The following PCNP variants were observed in gnomAD, a reference collection of about 807,000 sequenced individuals.
PCNP encodes PEST proteolytic signal containing nuclear protein.
In PCNP, 6 loss-of-function variants were observed where a neutral mutation model predicts 21.8. The ratio of observed to expected loss-of-function variants is 0.28; its 90% CI spans 0.15 to 0.54. PCNP has a LOEUF of 0.54. Ranked by LOEUF, PCNP falls within the 20% of genes least tolerant of loss-of-function variation. The probability of loss-of-function intolerance (pLI) is 0.95; values close to 1 mark genes in which losing one functional copy is unlikely to be tolerated. For synonymous variants in PCNP, 67 were observed against 73.2 expected (o/e 0.92, Z 0.43); for missense variants, 161 against 215.5 (o/e 0.75, Z 1.58).
intron 2 of PCNP, among the ~76,000 whole-genome samples, chr3:101,583,002 T>A (rs1559960200): frequency 6.6e-6 from 1 of 152,232 alleles, no homozygotes; most frequent in Non-Finnish European, 1.5e-5. Context: ...ATCACTATGG[T>A]ACCATATAGA....
At chr3:101,591,245 CCTGT>C (rs1429525447) in intron 4 of PCNP, among the ~76,000 whole-genome samples, 4 of 152,298 alleles carry the variant, frequency 2.6e-5, no homozygotes, top group Non-Finnish European at 4.4e-5. Context: ...TGTGCAGTTT[CCTGT>C]CTTTGTGTGC....
intron 3 of PCNP, 102 bp downstream of exon 3, chr3:101,585,613 T>TA: frequency 1.5e-6 from 1 of 657,964 alleles, no homozygotes; most frequent in Non-Finnish European, 2.6e-6. Flanking sequence ...ATTTTCTTTA[T>TA]AATAGTTTTT....
chr3:101,588,544 A>G (rs1935653909), intron 3 of PCNP, among the ~76,000 whole-genome samples: 2 of 152,106 alleles, frequency 1.3e-5, no homozygotes, highest in Admixed American at 1.3e-4. Flanking sequence ...CCTTGGATAT[A>G]TATTTGAGTT....
At chr3:101,581,004 AT>A (rs1935192447) in intron 2 of PCNP, among the ~76,000 whole-genome samples, 1 of 152,240 alleles carries the variant, frequency 6.6e-6, no homozygotes, top group South Asian at 2.1e-4. Flanking sequence ...TTTATTCTAC[AT>A]TAGATGTTTA....
At position 101,594,376 on chromosome 3, in the gene PCNP, GGA is replaced by G. The variant is rs1472185232; in HGVS notation, c.*1630_*1631del. 6.6e-6 allele frequency: 1 copy of G among 152,484 alleles called. No individual in the cohort carries two copies. The highest frequency in any genetic ancestry group is 2.4e-5 in the African/African-American group (1 of 41,414). The allele number at this position is 152,484 out of a possible 1,614,324, so 9.4% of individuals were successfully genotyped here. ...GAAATATTAACCTAAGGTCAAGCTG[GGA>G]GAGAGAAATGACTGAGATGAATGTC... is the stretch of plus-strand genomic sequence containing the variant. On this transcript the variant is annotated 3_prime_UTR_variant, in exon 5 of 5. Transcript: ENST00000265260.
chr3:101,575,006 CTAAA>C (rs1332766796), intron 1 of PCNP: 3 of 152,190 alleles, frequency 2.0e-5, no homozygotes, highest in African/African-American at 4.8e-5. Flanking sequence ...ACTTAGGCGA[CTAAA>C]TAGTCTAGCG....
At chr3:101,576,788 T>A in intron 1 of PCNP, 1 of 1,611,518 alleles carries the variant, frequency 6.2e-7, no homozygotes. Context: ...CCCGCCCTCT[T>A]GGTGAGGTCA....
chr3:101,576,402 T>G, intron 1 of PCNP: 7 of 1,092,690 alleles, frequency 6.4e-6, no homozygotes, highest in South Asian at 1.8e-5. Flanking sequence ...GCCCAGCTAA[T>G]TTTTGTATTT....
At chr3:101,585,958 G>A (rs1457757575) in intron 3 of PCNP, among the ~76,000 whole-genome samples, 1 of 152,016 alleles carries the variant, frequency 6.6e-6, no homozygotes, top group Admixed American at 6.6e-5. Context: ...ATCACTTGAG[G>A]TCAGCGGTTC....
At chr3:101,580,419 T>C (rs1382113147) in intron 2 of PCNP, among the ~76,000 whole-genome samples, 1 of 151,056 alleles carries the variant, frequency 6.6e-6, no homozygotes, top group Non-Finnish European at 1.5e-5. Flanking sequence ...AAAAATATAA[T>C]TAAAAAAAAA....
chr3:101,589,560 G>A (rs553651957), intron 3 of PCNP, among the ~76,000 whole-genome samples: 6 of 152,046 alleles, frequency 3.9e-5, no homozygotes, highest in South Asian at 2.1e-4. Flanking sequence ...ACAGGCACGC[G>A]CCACCACACC....
intron 2 of PCNP, among the ~76,000 whole-genome samples, chr3:101,580,318 G>A (rs2293494): frequency 0.78 from 118,996 of 152,038 alleles, 47,808 homozygotes; most frequent in Non-Finnish European, 0.88. Flanking sequence ...GTAATCTGAA[G>A]ACTTGGGGAG....
chr3:101,586,339 A>G (rs185598092), intron 3 of PCNP, among the ~76,000 whole-genome samples: 3 of 152,112 alleles, frequency 2.0e-5, no homozygotes, highest in East Asian at 1.9e-4. Context: ...CTTTGTCCCA[A>G]TTTCCTCATG....
At chr3:101,576,756 C>T in intron 1 of PCNP, 4 of 1,611,698 alleles carry the variant, frequency 2.5e-6, no homozygotes, top group Non-Finnish European at 2.5e-6. Flanking sequence ...TCACACGTTC[C>T]ACCTCATCAT....
At chr3:101,582,510 A>T (rs982344382) in intron 2 of PCNP, among the ~76,000 whole-genome samples, 3 of 151,758 alleles carry the variant, frequency 2.0e-5, no homozygotes, top group African/African-American at 4.8e-5. Context: ...GTAGGATATT[A>T]AAAAAAAATT....
chr3:101,578,932 C>T (rs1935077565), intron 1 of PCNP, among the ~76,000 whole-genome samples: 1 of 152,136 alleles, frequency 6.6e-6, no homozygotes, highest in Admixed American at 6.5e-5. Context: ...GTCTTACCGC[C>T]TGATATGTTC....
chr3:101,582,910 A>G (rs1347049281), intron 2 of PCNP, among the ~76,000 whole-genome samples: 1 of 152,252 alleles, frequency 6.6e-6, no homozygotes, highest in African/African-American at 2.4e-5. Flanking sequence ...ACAGCCCCCA[A>G]AATTAAGACC....
intron 3 of PCNP, among the ~76,000 whole-genome samples, chr3:101,586,120 A>G (rs1025014890): frequency 6.7e-6 from 1 of 149,036 alleles, no homozygotes; most frequent in African/African-American, 2.5e-5. Context: ...GCAGTGAGCC[A>G]AGATCATGCC....
intron 3 of PCNP, among the ~76,000 whole-genome samples, chr3:101,586,622 TG>T (rs1935542844): frequency 7.4e-6 from 1 of 134,574 alleles, no homozygotes; most frequent in Non-Finnish European, 1.6e-5. Flanking sequence ...AGAGAGAGAG[TG>T]TGTCTTGCTT....
Sources: allele counts gnomAD v4.1 joint callset (sites outside exome capture counted in the v4.1 genomes callset), GRCh38; gene constraint gnomAD v4.1.1; transcripts MANE v1.5; gene names NCBI Gene and HGNC (gene_info 2026-07-23, HGNC 2026-07-21).